PGAP2: variants seen among roughly 807,000 people sequenced by gnomAD.
The protein encoded by PGAP2 is post-GPI attachment to proteins 2.
A neutral mutation model predicts 33.2 loss-of-function variants in PGAP2; 21 were observed. That is an observed-to-expected ratio of 0.63 (90% confidence interval 0.45 to 0.91). PGAP2 has a LOEUF of 0.91. PGAP2 is among the 40% of genes least tolerant of loss of function. The pLI is 0.00. For missense variants in PGAP2, 345 were observed against 424.0 expected (o/e 0.81, Z 1.64); for synonymous variants, 161 against 172.9 (o/e 0.93, Z 0.54).
chr11:3,800,491 A>T (rs539100203), intron 1 of PGAP2, among the ~76,000 whole-genome samples: 4 of 152,304 alleles, frequency 2.6e-5, no homozygotes, highest in African/African-American at 7.2e-5. Flanking sequence ...TTTATTTATT[A>T]ATTTAATTTA....
At chr11:3,816,164 T>C in intron 2 of PGAP2, 1 of 152,866 alleles carries the variant, frequency 6.5e-6, no homozygotes, top group Non-Finnish European at 1.5e-5. Context: ...GGGCAGGCCC[T>C]GAGGAGCAGG....
chr11:3,824,184 G>C, intron 4 of PGAP2, 49 bp downstream of exon 4: 1 of 1,611,982 alleles, frequency 6.2e-7, no homozygotes, highest in Non-Finnish European at 8.5e-7. Context: ...CTGAGGGGAC[G>C]GGCCTGCCCC....
intron 3 of PGAP2, chr11:3,823,681 G>A: frequency 6.4e-7 from 1 of 1,570,878 alleles, no homozygotes; most frequent in East Asian, 2.3e-5. Flanking sequence ...CAGGATAGCT[G>A]GGGAATGAGA....
chr11:3,807,826 G>A (rs2084701095), upstream of PGAP2, among the ~76,000 whole-genome samples: 1 of 152,190 alleles, frequency 6.6e-6, no homozygotes, highest in Non-Finnish European at 1.5e-5. Flanking sequence ...CTCCTTCCCT[G>A]TTGGGCTGGG....
intron 1 of PGAP2, chr11:3,798,185 G>A: frequency 7.5e-7 from 1 of 1,326,398 alleles, no homozygotes; most frequent in Admixed American, 3.6e-5. Context: ...GCTCGCCCCA[G>A]CACTTTCTTT....
upstream of PGAP2, chr11:3,808,532 C>A: frequency 7.1e-7 from 1 of 1,401,668 alleles, no homozygotes; most frequent in South Asian, 1.6e-5. Flanking sequence ...CTAAGTTCCG[C>A]CCCGAGAGCG....
rs945841258 is a variant in PGAP2, at chr11:3,808,622, T to G, written c.-40T>G. The G allele has an allele frequency of 1.0e-4, 134 of 1,311,386 alleles. No homozygotes were observed. Among genetic ancestry groups the G allele is most frequent in the Non-Finnish European group, 1.3e-4 (132 of 1,028,568 alleles). 81.2% of individuals were successfully genotyped at this position (1,311,386 alleles called of 1,614,324 possible). A position where few individuals can be genotyped will look rare whatever the true frequency, so the allele number is the denominator to read the frequency against. On this transcript the variant is annotated 5_prime_UTR_variant, in exon 1 of 7. Transcript: ENST00000278243. ...CCCCGGGCCACCTGGGCCCCCGGGT[T>G]CCGCCGGCACTCTCGCCACCACCGC...
chr11:3,804,174 A>G (rs769459456), upstream of PGAP2, among the ~76,000 whole-genome samples: 10 of 152,142 alleles, frequency 6.6e-5, no homozygotes, highest in Admixed American at 2.6e-4. Context: ...AAATTACCAC[A>G]TGCATTCTTA....
chr11:3,822,171 T>C (rs61899366), intron 3 of PGAP2, among the ~76,000 whole-genome samples: 55,016 of 151,050 alleles, frequency 0.36, 9,932 homozygotes, highest in East Asian at 0.4. Context: ...GAGACCATCC[T>C]GGCTAACACG....
At chr11:3,822,076 A>G (rs1260402890) in intron 3 of PGAP2, among the ~76,000 whole-genome samples, 1 of 151,574 alleles carries the variant, frequency 6.6e-6, no homozygotes, top group Non-Finnish European at 1.5e-5. Flanking sequence ...AAAAGCAAAA[A>G]CAAAACGGCC....
chr11:3,820,730 C>T (rs756434896), intron 3 of PGAP2, among the ~76,000 whole-genome samples: 5 of 151,952 alleles, frequency 3.3e-5, no homozygotes, highest in South Asian at 4.2e-4. Context: ...GGCTGAAGCA[C>T]GAGAATCACT....
chr11:3,818,959 G>A (rs1405325979), intron 3 of PGAP2, among the ~76,000 whole-genome samples: 5 of 152,132 alleles, frequency 3.3e-5, no homozygotes, highest in African/African-American at 1.2e-4. Flanking sequence ...ATGCCAGGCC[G>A]GCAACTTTTG....
At chr11:3,807,813 A>G (rs572355292), upstream of PGAP2, among the ~76,000 whole-genome samples, 3 of 151,892 alleles carry the variant, frequency 2.0e-5, no homozygotes, top group African/African-American at 7.3e-5. Flanking sequence ...TGGTCCCTTC[A>G]CCCTCCTTCC....
chr11:3,802,960 G>A (rs2083687731), intron 1 of PGAP2, among the ~76,000 whole-genome samples: 2 of 149,566 alleles, frequency 1.3e-5, no homozygotes, highest in Non-Finnish European at 3.0e-5. Context: ...CCGAGTAGCT[G>A]GGACTACAGG....
chr11:3,807,260 C>T (rs2084551966), upstream of PGAP2, among the ~76,000 whole-genome samples: 1 of 145,512 alleles, frequency 6.9e-6, no homozygotes, highest in Non-Finnish European at 1.5e-5. Flanking sequence ...ATCGCTTGAA[C>T]CCTGGAAGCG....
intron 3 of PGAP2, chr11:3,823,050 TTTTTG>T: frequency 1.6e-6 from 1 of 640,334 alleles, no homozygotes; most frequent in Non-Finnish European, 2.4e-6. Context: ...TTTTTTTTTT[TTTTTG>T]AGACAGAGTC....
At chr11:3,812,156 G>T (rs551149467) in intron 2 of PGAP2, among the ~76,000 whole-genome samples, 25 of 152,188 alleles carry the variant, frequency 1.6e-4, no homozygotes, top group African/African-American at 5.8e-4. Context: ...CTTTCTCTAG[G>T]ATATCAAAGT....
intron 1 of PGAP2, among the ~76,000 whole-genome samples, chr11:3,803,121 G>T (rs2083739330): frequency 6.6e-6 from 1 of 151,712 alleles, no homozygotes; most frequent in African/African-American, 2.4e-5. Context: ...AGCCTCCCGA[G>T]TAGCTGGGAC....
rs2085456851 is a variant in PGAP2 at position 3,811,056 on chromosome 11, G to T, written c.-10-194G>T. 6.6e-6 allele frequency among the ~76,000 whole-genome samples: 1 copy of T among 152,184 alleles called. No homozygotes were observed. Reference sequence around the variant, plus strand: ...ATTGTCTTCCCTCTGAAATTGAGGTGGAATGTTGTCTTGGGATTCTGAGTC... The same window carrying T: ...ATTGTCTTCCCTCTGAAATTGAGGTTGAATGTTGTCTTGGGATTCTGAGTC... On this transcript the variant is annotated intron_variant, in intron 1 of 6. Transcript: ENST00000278243. This position sits in a 1 kb window ranked among gnomAD's most constrained non-coding sequence, Gnocchi z 4.6.
Sources: gnomAD v4.1 joint callset for allele counts (sites outside exome capture counted in the v4.1 genomes callset) on GRCh38, gnomAD v4.1.1 for gene constraint, Gnocchi (gnomAD v3.1) non-coding constraint, MANE v1.5 for transcripts, NCBI Gene and HGNC (gene_info 2026-07-23, HGNC 2026-07-21) for gene names.